KCNIP4: variants seen among roughly 807,000 people sequenced by gnomAD.
The protein encoded by KCNIP4 is Kv channel-interacting protein 4.
A neutral mutation model predicts 34.0 loss-of-function variants in KCNIP4; 12 were observed. The ratio of observed to expected loss-of-function variants is 0.35; its 90% CI spans 0.23 to 0.57. The LOEUF is 0.57. Among genes scored for constraint, KCNIP4 ranks in the 20% least tolerant of loss-of-function variants. The probability of loss-of-function intolerance (pLI) is 0.83; values close to 1 mark genes in which losing one functional copy is unlikely to be tolerated. For missense variants in KCNIP4, 238 were observed against 311.7 expected (o/e 0.76, Z 1.78); for synonymous variants, 124 against 102.2 (o/e 1.21, Z -1.29).
chr4:21,785,389 G>T (rs1719835056), intron 1 of KCNIP4, among the ~76,000 whole-genome samples: 1 of 151,838 alleles, frequency 6.6e-6, no homozygotes, highest in South Asian at 2.1e-4. Flanking sequence ...TCAGGAGTTT[G>T]AGACCAGCCT....
chr4:21,722,797 G>A (rs747784197), intron 1 of KCNIP4, among the ~76,000 whole-genome samples: 41 of 152,032 alleles, frequency 2.7e-4, no homozygotes, highest in Non-Finnish European at 4.4e-4. Context: ...TGCATATTAC[G>A]TTCTGCTCTT....
intron 1 of KCNIP4, among the ~76,000 whole-genome samples, chr4:20,909,834 C>A (rs986304242): frequency 7.2e-5 from 11 of 152,124 alleles, no homozygotes; most frequent in Admixed American, 6.5e-4. Flanking sequence ...GTACATCCTT[C>A]TCTCTTACTT....
intron 1 of KCNIP4, among the ~76,000 whole-genome samples, chr4:21,643,689 C>A (rs189808140): frequency 2.0e-5 from 3 of 152,224 alleles, no homozygotes; most frequent in Admixed American, 2.0e-4. Context: ...AGAAAACTGA[C>A]CACCCTTCAG....
In KCNIP4 at chr4:21,275,644, G is replaced by GCT. The variant is rs774862543; in HGVS notation, c.62-392936_62-392935insAG. 4.7e-3 allele frequency among the ~76,000 whole-genome samples: 710 copies of GCT among 152,284 alleles called. 4 individuals are homozygous for GCT. The highest frequency in any genetic ancestry group is 0.024 in the Middle Eastern group (7 of 294). ...GGAGGACTCTGAGCAAGGAAATCTA[G>GCT]CATAACAATAAATAGTAGATGGCTG... On this transcript the variant is annotated intron_variant, in intron 1 of 8. Transcript: ENST00000382152.
At chr4:21,419,736 C>T (rs558737435) in intron 1 of KCNIP4, among the ~76,000 whole-genome samples, 85 of 152,082 alleles carry the variant, frequency 5.6e-4, no homozygotes, top group Non-Finnish European at 1.1e-3. Context: ...TTCTATTAGG[C>T]TTTGCTCCCT....
rs114678794 is a variant in KCNIP4 at position 21,576,017 on chromosome 4, A to T, written c.61+372554T>A. On this transcript the variant is annotated intron_variant, in intron 1 of 8. Coordinates refer to ENST00000382152, the MANE Select transcript of KCNIP4 (RefSeq NM_025221.6). ...TTTGCGTATACTTCTTAGGGCTCAC[A>T]GGTGAGCAAGAAAATAAACTATTTG... Among the ~76,000 whole-genome samples, 432 of 152,266 alleles carry T rather than the reference A, an allele frequency of 2.8e-3. 4 individuals carry two copies. The highest frequency in any genetic ancestry group is 8.3e-3 in the African/African-American group (344 of 41,550).
At chr4:21,143,868 A>AG (rs1030773276) in intron 1 of KCNIP4, among the ~76,000 whole-genome samples, 33 of 116,640 alleles carry the variant, frequency 2.8e-4, no homozygotes, top group East Asian at 6.7e-4. Context: ...ATGCCCAGCT[A>AG]GTTTTTTTTT....
chr4:21,782,135 A>G (rs1191699383), intron 1 of KCNIP4, among the ~76,000 whole-genome samples: 1 of 152,210 alleles, frequency 6.6e-6, no homozygotes, highest in Non-Finnish European at 1.5e-5. Context: ...AATACTCTAA[A>G]TACACCAAGT....
At chr4:21,235,458 A>C (rs1759289023) in intron 1 of KCNIP4, among the ~76,000 whole-genome samples, 1 of 152,094 alleles carries the variant, frequency 6.6e-6, no homozygotes, top group Non-Finnish European at 1.5e-5. Flanking sequence ...TTTTGCATCT[A>C]CTAGGCTTTC....
intron 3 of KCNIP4, among the ~76,000 whole-genome samples, chr4:20,788,686 C>A (rs974670661): frequency 2.6e-5 from 4 of 152,104 alleles, no homozygotes; most frequent in Admixed American, 6.6e-5. Flanking sequence ...GAAAATAAGG[C>A]TCTGGTTAAT....
chr4:20,731,733 T>A, intron 8 of KCNIP4: 1 of 985,408 alleles, frequency 1.0e-6, no homozygotes, highest in Non-Finnish European at 1.2e-6. Flanking sequence ...CCTCCATGAA[T>A]ACTCTCTAAG....
intron 1 of KCNIP4, among the ~76,000 whole-genome samples, chr4:21,864,478 A>G (rs1346851131): frequency 6.6e-6 from 1 of 152,228 alleles, no homozygotes; most frequent in South Asian, 2.1e-4. Context: ...TGAAAAAGCA[A>G]TGAGAAGATG....
intron 1 of KCNIP4, among the ~76,000 whole-genome samples, chr4:21,776,547 T>C (rs1376297451): frequency 1.3e-5 from 2 of 152,204 alleles, no homozygotes; most frequent in Non-Finnish European, 1.5e-5. Flanking sequence ...TATCCTTTCC[T>C]AAGTTTCCTT....
chr4:21,097,713 T>G (rs1747584757), intron 1 of KCNIP4, among the ~76,000 whole-genome samples: 1 of 151,980 alleles, frequency 6.6e-6, no homozygotes, highest in Non-Finnish European at 1.5e-5. Context: ...TCTCCATCTC[T>G]CTCCCTCTCC....
chr4:21,528,595 A>T (rs1303574657), intron 1 of KCNIP4, among the ~76,000 whole-genome samples: 1 of 151,270 alleles, frequency 6.6e-6, no homozygotes, highest in East Asian at 1.9e-4. Context: ...TAAACTTGGG[A>T]GGTGGAGGTT....
At chr4:21,269,168 AG>A (rs1385384014) in intron 1 of KCNIP4, among the ~76,000 whole-genome samples, 2 of 152,190 alleles carry the variant, frequency 1.3e-5, no homozygotes, top group African/African-American at 4.8e-5. Context: ...TAAAAAGGTG[AG>A]AAAACATCTT....
intron 1 of KCNIP4, among the ~76,000 whole-genome samples, chr4:21,459,656 T>C (rs1201195672): frequency 6.6e-6 from 1 of 152,034 alleles, no homozygotes; most frequent in Non-Finnish European, 1.5e-5. Context: ...CTCCCGATAT[T>C]TCTTACTCCC....
chr4:20,812,082 C>T (rs1285079613), intron 3 of KCNIP4, among the ~76,000 whole-genome samples: 1 of 152,104 alleles, frequency 6.6e-6, no homozygotes, highest in Non-Finnish European at 1.5e-5. Flanking sequence ...AATGTAAGTA[C>T]AGATTATTGA....
chr4:21,852,287 G>A (rs1217687875), intron 1 of KCNIP4: 1 of 152,086 alleles, frequency 6.6e-6, no homozygotes, highest in African/African-American at 2.4e-5. Context: ...TGTCCTCATT[G>A]AGGTTCTGGA....
Sources: allele counts gnomAD v4.1 joint callset (sites outside exome capture counted in the v4.1 genomes callset), GRCh38; gene constraint gnomAD v4.1.1; transcripts MANE v1.5; gene names NCBI Gene and HGNC (gene_info 2026-07-23, HGNC 2026-07-21).